Variants in MLH3 observed in about 807,000 individuals in gnomAD.
The protein encoded by MLH3 is DNA mismatch repair protein Mlh3.
In MLH3, 82 loss-of-function variants were observed where a neutral mutation model predicts 122.2. That is an observed-to-expected ratio of 0.67 (90% CI 0.56 to 0.81). The LOEUF is 0.81. MLH3 is among the 30% of genes least tolerant of loss of function. MLH3 has a pLI of 0.00. For synonymous variants in MLH3, 524 were observed against 599.5 expected (o/e 0.87, Z 1.84); for missense variants, 1,539 against 1,714.5 (o/e 0.90, Z 1.81).
rs184244131 is a variant in MLH3, at chr14:75,036,351, T to C, written c.3643+1989A>G. Among the ~76,000 whole-genome samples, 327 of 145,710 alleles carry C rather than the reference T, an allele frequency of 2.2e-3. 1 individual carries two copies. Among genetic ancestry groups the C allele is most frequent in the Non-Finnish European group, 2.6e-3 (167 of 64,534 alleles). On this transcript the variant is annotated intron_variant, in intron 6 of 12. Coordinates refer to ENST00000355774, the MANE Select transcript of MLH3 (RefSeq NM_001040108.2). ...ATCCAACCACATTCTTGACATCTTT[T>C]TATTTTATTTTTTTGACAGAGTTTC...
rs902756375 is a variant in MLH3, at chr14:75,029,541, C to CT, written c.3987+1001dup. 7.1e-4 allele frequency among the ~76,000 whole-genome samples: 104 copies of CT among 146,052 alleles called. 1 individual carries two copies. Among genetic ancestry groups the CT allele is most frequent in the Admixed American group, 3.5e-3 (51 of 14,610 alleles). On this transcript the variant is annotated intron_variant, in intron 9 of 12. Transcript: ENST00000355774. ...AGCACTTTCCCACTATTCTTTTTTT[C>CT]TTTTTTTTTTTGAGACAGAGTTTCA... is the stretch of plus-strand genomic sequence containing the variant.
At chr14:75,026,609 T>C (rs755513429) in intron 9 of MLH3, among the ~76,000 whole-genome samples, 5 of 152,156 alleles carry the variant, frequency 3.3e-5, no homozygotes, top group African/African-American at 4.8e-5. Context: ...TTTGAGGTGA[T>C]AATGACTGCA....
intron 8 of MLH3, among the ~76,000 whole-genome samples, chr14:75,031,563 A>G (rs565375279): frequency 7.9e-5 from 12 of 152,346 alleles, no homozygotes; most frequent in South Asian, 4.1e-4. Flanking sequence ...CTGTAATCCC[A>G]GCACTTTGGG....
chr14:75,022,673 G>A lies in MLH3; in HGVS notation c.4090+141C>T, dbSNP rs935781972. 1.7e-4 allele frequency: 147 copies of A among 852,524 alleles called. 2 individuals are homozygous for A. Among genetic ancestry groups the A allele is most frequent in the Non-Finnish European group, 5.0e-5 (25 of 495,782 alleles). 52.8% of individuals were successfully genotyped at this position (852,524 alleles called of 1,614,324 possible). On this transcript the variant is annotated intron_variant, in intron 11 of 12. Coordinates refer to ENST00000355774, the MANE Select transcript of MLH3 (RefSeq NM_001040108.2). ...TTTTGTAAAAGTGATTTTTAAAAGG[G>A]TATATTCAGTTTCTTGATCTAAATT...
At position 75,047,236 on chromosome 14, in the gene MLH3, G is replaced by C; in HGVS notation, c.2420C>G (p.Thr807Ser). The C allele has an allele frequency of 1.9e-6, 3 of 1,614,152 alleles. No individual in the cohort carries two copies. In the South Asian group the frequency reaches 3.3e-5, roughly 18 times the overall value. Reference protein sequence around the residue: ...RLENSDVCKITTMEHSDSDSS... With the variant: ...RLENSDVCKISTMEHSDSDSS... ...ATCTGAATCACTATGCTCCATAGTA[G>C]TGATTTTACAAACATCAGAGTTCTC... The change falls in exon 2 of 13, where the codon ACT becomes AGT. Residue 807 changes from threonine to serine, a missense_variant. By Grantham distance (58) the Thr-to-Ser change is moderately conservative. Transcript: ENST00000355774.
chr14:75,037,678 C>T (rs187141255), intron 6 of MLH3, among the ~76,000 whole-genome samples: 282 of 151,848 alleles, frequency 1.9e-3, no homozygotes, highest in Non-Finnish European at 3.2e-3. Context: ...ATGGGCTGGG[C>T]GTGGTGGCTT....
chr14:75,051,237 C>A (rs1282221104), intron 1 of MLH3, 143 bp downstream of exon 1: 1 of 152,290 alleles, frequency 6.6e-6, no homozygotes, highest in Non-Finnish European at 1.5e-5. Context: ...CCAAACTGGG[C>A]CCGCCCGGCC....
chr14:75,014,625 T>C lies in MLH3; in HGVS notation c.*2457A>G, dbSNP rs1269037260. On this transcript the variant is annotated 3_prime_UTR_variant, in exon 13 of 13. Coordinates refer to ENST00000355774, the MANE Select transcript of MLH3 (RefSeq NM_001040108.2). ...AGCCTCTTGAAGGTAGAGACAGCCATAGGAACCTTCACTTCTCAATGAAGT... is the reference window on the plus strand; with the variant it reads ...AGCCTCTTGAAGGTAGAGACAGCCACAGGAACCTTCACTTCTCAATGAAGT... 2.0e-5 allele frequency: 4 copies of C among 204,066 alleles called. No homozygotes were observed. The East Asian group carries it at 2.2e-4, about 11-fold the overall frequency. 12.6% of individuals were successfully genotyped at this position (204,066 alleles called of 1,614,324 possible). A position where few individuals can be genotyped will look rare whatever the true frequency, so the allele number is the denominator to read the frequency against.
In MLH3 at chr14:75,048,270, G is replaced by T. The variant is rs375487598; in HGVS notation, c.1386C>A (p.Asp462Glu). Residue 462 changes from aspartate to glutamate, a missense_variant, in exon 2 of 13, where the codon GAC (aspartate) becomes GAA (glutamate). Asp to Glu is a conservative substitution (Grantham distance 45). Coordinates refer to ENST00000355774, the MANE Select transcript of MLH3 (RefSeq NM_001040108.2). ...ACATCTTTGATTCTGAGCAAGAGCT[G>T]TCTTTGTTTTGTAAAGATGGCTCTG... is the stretch of plus-strand genomic sequence containing the variant. Reference protein sequence around the residue: ...KMTEPSLQNKDSSCSESKMLE... With the variant: ...KMTEPSLQNKESSCSESKMLE... 6.2e-7 allele frequency: 1 copy of T among 1,613,964 alleles called. No homozygotes were observed. The highest frequency in any genetic ancestry group is 2.2e-5 in the East Asian group (1 of 44,874).
Position 75,015,387 on chromosome 14 carries a change from A to G in MLH3, c.*1695T>C, listed in dbSNP as rs1474254477. 1.1e-5 allele frequency: 2 copies of G among 176,792 alleles called. No homozygotes were observed. The highest frequency in any genetic ancestry group is 9.6e-5 in the East Asian group (1 of 10,420). The allele number at this position is 176,792 out of a possible 1,614,324, so 11.0% of individuals were successfully genotyped here. ...AAGAAAACAGTAGTTGGGATTACAT[A>G]TAGCAAAACCTTCTGAAATCATAAG... is the stretch of plus-strand genomic sequence containing the variant. On this transcript the variant is annotated 3_prime_UTR_variant, in exon 13 of 13. Coordinates refer to ENST00000355774, the MANE Select transcript of MLH3 (RefSeq NM_001040108.2).
Position 75,049,371 on chromosome 14 carries a change from C to G in MLH3, c.285G>C (p.Glu95Asp), listed in dbSNP as rs369067732. 44 of 1,613,926 alleles carry G rather than the reference C, an allele frequency of 2.7e-5. No individual in the cohort carries two copies. The highest frequency in any genetic ancestry group is 3.6e-5 in the Non-Finnish European group (43 of 1,180,042). ...ENPRFYGFRG[E>D]ALANIADMAS... ...CCATGTCAGCAATATTTGCCAAGGC[C>G]TCTCCTCGGAAACCATAAAACCTTG... Residue 95 changes from glutamate (E) to aspartate (D), a missense_variant, in exon 2 of 13, where the codon GAG becomes GAC. By Grantham distance (45) the Glu-to-Asp change is conservative. Transcript: ENST00000355774.
rs1207324062 is a variant in MLH3 at position 75,015,733 on chromosome 14, C to G, written c.*1349G>C. The G allele has an allele frequency of 5.1e-6, 1 of 194,484 alleles. No individual in the cohort carries two copies. The highest frequency in any genetic ancestry group is 2.6e-5 in the African/African-American group (1 of 37,904). The allele number at this position is 194,484 out of a possible 1,614,324, so 12.0% of individuals were successfully genotyped here. ...AAATCTACAAGGATCCCCTTGAAAA[C>G]AAGTGAAGGTTTTCTCTGAACCTTC... On this transcript the variant is annotated 3_prime_UTR_variant, in exon 13 of 13. Coordinates refer to ENST00000355774, the MANE Select transcript of MLH3 (RefSeq NM_001040108.2).
In MLH3 at chr14:75,047,367, C is replaced by T. The variant is rs1428119509; in HGVS notation, c.2289G>A (p.Lys763=). 4 of 1,614,102 alleles carry T rather than the reference C, an allele frequency of 2.5e-6. No individual in the cohort carries two copies. The highest frequency in any genetic ancestry group is 3.4e-6 in the Non-Finnish European group (4 of 1,180,004). ...SLEKFKRQYG[K]VENPLDTEVE... ...CTTCTGTATCCAGAGGATTTTCAAC[C>T]TTCCCATATTGCCTCTTAAACTTCT... The change falls in exon 2 of 13, where the codon AAG becomes AAA. Residue 763 remains lysine, a synonymous_variant. Coordinates refer to ENST00000355774, the MANE Select transcript of MLH3 (RefSeq NM_001040108.2).
chr14:75,026,867 G>A (rs1047253756), intron 9 of MLH3, among the ~76,000 whole-genome samples: 5 of 152,154 alleles, frequency 3.3e-5, no homozygotes, highest in African/African-American at 4.8e-5. Flanking sequence ...GGGAGGCCAC[G>A]GCAGGCAGAT....
chr14:75,042,779 C>CTTT (rs923247988), intron 2 of MLH3, among the ~76,000 whole-genome samples: 2 of 142,432 alleles, frequency 1.4e-5, no homozygotes, highest in African/African-American at 2.6e-5. Flanking sequence ...TCTTGAGACC[C>CTTT]TTTTTTTTTT....
In MLH3 at chr14:75,041,792, A is replaced by AC. The variant is rs1376591743; in HGVS notation, c.3380-93dup. On this transcript the variant is annotated intron_variant, in intron 3 of 12. Coordinates refer to ENST00000355774, the MANE Select transcript of MLH3 (RefSeq NM_001040108.2). ...CTGTTTGGTGAGCCATAGCCTCAAG[A>AC]CCAAAGGTCACGTACATTGTTTCTA... 3 of 838,068 alleles carry AC rather than the reference A, an allele frequency of 3.6e-6. No homozygotes were observed. The East Asian group carries it at 7.4e-5, about 21-fold the overall frequency. 51.9% of individuals were successfully genotyped at this position (838,068 alleles called of 1,614,324 possible).
chr14:75,047,850 T>C lies in MLH3; in HGVS notation c.1806A>G (p.Lys602=). ...RRNVFSYGRV[K]LCSTGFITHV... Reference sequence around the variant, plus strand: ...GAGTTATAAAGCCAGTGGAACATAATTTAACTCGCCCATAACTAAAAACAT... The same window carrying C: ...GAGTTATAAAGCCAGTGGAACATAACTTAACTCGCCCATAACTAAAAACAT... Residue 602 remains lysine (K), a synonymous_variant, in exon 2 of 13, where the codon AAA becomes AAG. Transcript: ENST00000355774. The C allele has an allele frequency of 6.2e-7, 1 of 1,612,974 alleles. No homozygotes were observed. Among genetic ancestry groups the C allele is most frequent in the Non-Finnish European group, 8.5e-7 (1 of 1,179,690 alleles).
intron 6 of MLH3, 23 bp from the exon 7 acceptor site, chr14:75,033,513 C>A (rs764155054): frequency 1.9e-6 from 3 of 1,599,488 alleles, no homozygotes; most frequent in Non-Finnish European, 2.6e-6. Flanking sequence ...GGATTGTGAA[C>A]TTTGATTCTC....
rs28937871 is a variant in MLH3, at chr14:75,048,160, T to C, written c.1496A>G (p.Asn499Ser). The change falls in exon 2 of 13, where the codon AAT becomes AGT. Residue 499 changes from asparagine to serine, a missense_variant. By Grantham distance (46) the Asn-to-Ser change is conservative (BLOSUM62 1). Transcript: ENST00000355774. ...CATTTCTAAACTGGTTCCACACGGA[T>C]TTTCTAAAGAGCTATGTTCCAGGAA... ...KSFLEHSSLE[N>S]PCGTSLEMFL... 4 of 1,614,150 alleles carry C rather than the reference T, an allele frequency of 2.5e-6. No individual in the cohort carries two copies. The highest frequency in any genetic ancestry group is 3.4e-6 in the Non-Finnish European group (4 of 1,180,000).
Sources: gnomAD v4.1 joint callset for allele counts (sites outside exome capture counted in the v4.1 genomes callset) on GRCh38, gnomAD v4.1.1 for gene constraint, MANE v1.5 for transcripts, NCBI Gene and HGNC (gene_info 2026-07-23, HGNC 2026-07-21) for gene names.